Variants in DPP6 observed in about 807,000 individuals in gnomAD.
DPP6 encodes the protein A-type potassium channel modulatory protein DPP6.
In DPP6, 69 loss-of-function variants were observed where a neutral mutation model predicts 122.6. The ratio of observed to expected loss-of-function variants is 0.56; its 90% CI spans 0.46 to 0.69. The LOEUF (loss-of-function observed/expected upper bound fraction) is 0.69. DPP6 is among the 30% of genes least tolerant of loss of function. DPP6 has a pLI of 0.00. For missense variants in DPP6, 928 were observed against 1,116.9 expected, an observed-to-expected ratio of 0.83 and a Z score of 2.41; for synonymous variants, 418 against 433.1, an observed-to-expected ratio of 0.97 and a Z score of 0.43.
chr7:153,826,650 A>C, the DPP6 span, among the ~76,000 whole-genome samples: 3 of 152,194 alleles, frequency 2.0e-5, no homozygotes, highest in African/African-American at 7.2e-5. Context: ...GAAAGGGTCT[A>C]AGTATTATCA....
chr7:153,917,621 C>G (rs1204473552), intron 1 of DPP6, among the ~76,000 whole-genome samples: 1 of 152,166 alleles, frequency 6.6e-6, no homozygotes, highest in Non-Finnish European at 1.5e-5. Flanking sequence ...TCTGAAGGCT[C>G]TGGAAAGACA....
chr7:153,866,736 T>C, the DPP6 span, among the ~76,000 whole-genome samples: 1 of 152,170 alleles, frequency 6.6e-6, no homozygotes, highest in African/African-American at 2.4e-5. Flanking sequence ...TGCCTATGTC[T>C]TGAATGGTAT....
chr7:153,936,975 A>T (rs562497907), intron 1 of DPP6, among the ~76,000 whole-genome samples: 1 of 151,970 alleles, frequency 6.6e-6, no homozygotes, highest in South Asian at 2.1e-4. Context: ...GGAGAGAAAA[A>T]CTCAAGGTCA....
chr7:154,803,800 TG>T, intron 13 of DPP6, 63 bp from the exon 14 acceptor site: 2 of 1,559,966 alleles, frequency 1.3e-6, no homozygotes, highest in South Asian at 2.4e-5. Flanking sequence ...AGTTGGAGGA[TG>T]AAGAGCCATG....
At chr7:153,860,656 A>T in the DPP6 span, among the ~76,000 whole-genome samples, 3 of 151,470 alleles carry the variant, frequency 2.0e-5, no homozygotes, top group Non-Finnish European at 4.4e-5. Context: ...GCCTTCAAAA[A>T]AAAAAAAAAG....
At chr7:153,783,612 A>G in the DPP6 span, among the ~76,000 whole-genome samples, 1 of 152,120 alleles carries the variant, frequency 6.6e-6, no homozygotes, top group Non-Finnish European at 1.5e-5. Flanking sequence ...AGATGTAAAG[A>G]TATGGAAGTT....
chr7:153,971,167 T>C (rs574621099), intron 1 of DPP6, among the ~76,000 whole-genome samples: 4 of 152,302 alleles, frequency 2.6e-5, no homozygotes, highest in African/African-American at 9.6e-5. Flanking sequence ...TTTTAAAGTT[T>C]ATCACTGAGA....
chr7:153,888,010 A>C (rs117378589), intron 1 of DPP6, among the ~76,000 whole-genome samples: 3,095 of 152,294 alleles, frequency 0.02, 155 homozygotes, highest in East Asian at 0.17. Flanking sequence ...GATGGGAGGA[A>C]GGGGCTGCGG....
At chr7:153,857,320 TTTTCTC>T in the DPP6 span, among the ~76,000 whole-genome samples, 5 of 43,686 alleles carry the variant, frequency 1.1e-4, no homozygotes, top group East Asian at 3.0e-3. Context: ...AACTCAAAGG[TTTTCTC>T]TCTCTCTCTC....
chr7:154,367,444 C>T (rs1399685327), intron 1 of DPP6, among the ~76,000 whole-genome samples: 1 of 152,134 alleles, frequency 6.6e-6, no homozygotes, highest in African/African-American at 2.4e-5. Flanking sequence ...CAAAATATTT[C>T]TGCATTCAAA....
In DPP6 at chr7:154,022,788, A is replaced by G. The variant is rs186615764; in HGVS notation, c.51+135054A>G. On this transcript the variant is annotated intron_variant, in intron 1 of 25. Coordinates refer to the DPP6 transcript ENST00000404039. ...CCAGCAGAGGTGGCCAGAAGAAGAA[A>G]TCTTTCCTGGCAATTGAAAGAAATC... 1.1e-3 allele frequency among the ~76,000 whole-genome samples: 174 copies of G among 152,276 alleles called. 7 individuals are homozygous for G. The East Asian group carries it at 0.032, about 28-fold the overall frequency.
chr7:153,847,840 G>A, the DPP6 span, among the ~76,000 whole-genome samples: 883 of 152,234 alleles, frequency 5.8e-3, 8 homozygotes, highest in African/African-American at 0.02. Flanking sequence ...AAATATTTAT[G>A]GGGACTTTAT....
At chr7:154,541,157 T>G (rs1353653533) in intron 4 of DPP6, among the ~76,000 whole-genome samples, 1 of 152,222 alleles carries the variant, frequency 6.6e-6, no homozygotes, top group Non-Finnish European at 1.5e-5. Flanking sequence ...TGAGACAGGA[T>G]CTCACTCTGT....
intron 1 of DPP6, among the ~76,000 whole-genome samples, chr7:153,995,021 T>G (rs1797357711): frequency 6.6e-6 from 1 of 152,228 alleles, no homozygotes; most frequent in African/African-American, 2.4e-5. Context: ...CTTTTACATT[T>G]ATAAGTAAAT....
the DPP6 span, among the ~76,000 whole-genome samples, chr7:153,799,535 T>C: frequency 6.6e-6 from 1 of 152,142 alleles, no homozygotes; most frequent in Non-Finnish European, 1.5e-5. Flanking sequence ...ACCATCCCGC[T>C]CTACTGCAGC....
chr7:154,615,466 T>C (rs1834178480), intron 5 of DPP6, among the ~76,000 whole-genome samples: 1 of 152,232 alleles, frequency 6.6e-6, no homozygotes. Context: ...TAAAATATTA[T>C]AATCCATTTT....
At chr7:154,428,157 T>C (rs1174233170) in intron 1 of DPP6, among the ~76,000 whole-genome samples, 1 of 152,220 alleles carries the variant, frequency 6.6e-6, no homozygotes, top group Admixed American at 6.5e-5. Flanking sequence ...TGAGAGATTT[T>C]TGTTGAAAAT....
At chr7:154,199,167 G>A (rs932344929) in intron 1 of DPP6, among the ~76,000 whole-genome samples, 3 of 152,060 alleles carry the variant, frequency 2.0e-5, no homozygotes, top group African/African-American at 4.8e-5. Flanking sequence ...CAAGTCGTCA[G>A]GAGTTTCAAA....
chr7:153,976,313 TCTC>T, intron 1 of DPP6, among the ~76,000 whole-genome samples: 1 of 152,212 alleles, frequency 6.6e-6, no homozygotes, highest in African/African-American at 2.4e-5. Flanking sequence ...GCTTTATACA[TCTC>T]CTTGGGCGCA....
Sources: allele counts gnomAD v4.1 joint callset (sites outside exome capture counted in the v4.1 genomes callset), GRCh38; gene constraint gnomAD v4.1.1; transcripts MANE v1.5; gene names NCBI Gene and HGNC (gene_info 2026-07-23, HGNC 2026-07-21).